Variants in DIP2A observed in about 807,000 individuals in gnomAD.
The protein encoded by DIP2A is DIP2 acetate--CoA ligase A.
In DIP2A, 85 loss-of-function variants were observed where a neutral mutation model predicts 177.4. The observed-to-expected ratio is 0.48, with a 90% CI of 0.40 to 0.57. The LOEUF (loss-of-function observed/expected upper bound fraction) is 0.57. Ranked by LOEUF, DIP2A falls within the 20% of genes least tolerant of loss-of-function variation. DIP2A has a pLI of 0.00. For missense variants in DIP2A, 1,791 were observed against 2,100.2 expected (o/e 0.85, Z 2.88); for synonymous variants, 886 against 881.8 (o/e 1.00, Z -0.08).
Position 46,496,887 on chromosome 21 carries a change from C to G in DIP2A, c.284-101C>G. ...AGGATAGACAGAGAGAGCTTCTATT[C>G]CTTTTACCCCCACTGAAAACAAACA... On this transcript the variant is annotated intron_variant, in intron 3 of 37. Coordinates refer to ENST00000417564, the MANE Select transcript of DIP2A (RefSeq NM_015151.4). 4 of 1,238,832 alleles carry G rather than the reference C, an allele frequency of 3.2e-6. No individual in the cohort carries two copies. The East Asian group carries it at 1.1e-4, about 34-fold the overall frequency. 76.7% of individuals were successfully genotyped at this position (1,238,832 alleles called of 1,614,324 possible). A position where few individuals can be genotyped will look rare whatever the true frequency, so the allele number is the denominator to read the frequency against.
chr21:46,532,106 C>A (rs2059379323), intron 9 of DIP2A, 21 bp from the exon 10 acceptor site: 1 of 1,594,740 alleles, frequency 6.3e-7, no homozygotes, highest in African/African-American at 1.3e-5. Flanking sequence ...TTGGAATATT[C>A]ATTTCTTTGT....
chr21:46,514,951 T>C (rs2058504540), intron 8 of DIP2A, among the ~76,000 whole-genome samples: 1 of 152,250 alleles, frequency 6.6e-6, no homozygotes, highest in Non-Finnish European at 1.5e-5. Context: ...TTTGATTAAT[T>C]TTCTAATGTA....
chr21:46,462,746 T>A (rs1230683788), intron 1 of DIP2A: 1 of 151,088 alleles, frequency 6.6e-6, no homozygotes, highest in Non-Finnish European at 1.5e-5. Context: ...ACAAAGATGC[T>A]GTCTTCAACA....
chr21:46,533,564 G>A lies in DIP2A; in HGVS notation c.1346G>A (p.Cys449Tyr), dbSNP rs1445932723. The A allele has an allele frequency of 6.2e-7, 1 of 1,614,034 alleles. No individual in the cohort carries two copies. The highest frequency in any genetic ancestry group is 8.5e-7 in the Non-Finnish European group (1 of 1,179,904). Residue 449 changes from cysteine to tyrosine, a missense_variant, in exon 11 of 38, where the codon TGT becomes TAT. By Grantham distance (194) the Cys-to-Tyr change is radical. Coordinates refer to ENST00000417564, the MANE Select transcript of DIP2A (RefSeq NM_015151.4). Reference protein sequence around the residue: ...SQQVGFLLGSCGVFLALTTDA... With the variant: ...SQQVGFLLGSYGVFLALTTDA... ...CAGGTTGGGTTTCTGCTGGGCAGCT[G>A]TGGAGTCTTCTTGGCCCTGACCACA...
chr21:46,548,391 T>G (rs11089077), intron 21 of DIP2A, among the ~76,000 whole-genome samples: 36,763 of 152,046 alleles, frequency 0.24, 4,825 homozygotes, highest in East Asian at 0.37. Context: ...TGATGGTGAC[T>G]GCGTCTGCAG....
intron 3 of DIP2A, 65 bp downstream of exon 3, chr21:46,490,784 A>G: frequency 6.8e-7 from 1 of 1,473,666 alleles, no homozygotes; most frequent in Non-Finnish European, 9.0e-7. Flanking sequence ...TCTTGCCATG[A>G]AGTCTTCCAG....
At chr21:46,555,789 G>A (rs2060446501) in intron 28 of DIP2A, 193 bp from the exon 29 acceptor site, 1 of 590,874 alleles carries the variant, frequency 1.7e-6, no homozygotes, top group Non-Finnish European at 3.0e-6. Flanking sequence ...GGACCGGGTA[G>A]CGTTTCCATG....
At position 46,513,025 on chromosome 21, in the gene DIP2A, C is replaced by T. The variant is rs530470924; in HGVS notation, c.1102+1411C>T. On this transcript the variant is annotated intron_variant, in intron 8 of 37. Transcript: ENST00000417564. ...GATGCATGTTTTGCAAATGTCTCCT[C>T]ACTATTTGGATTGCCTTTTAACACT... Among the ~76,000 whole-genome samples, 4 of 152,090 alleles carry T rather than the reference C, an allele frequency of 2.6e-5. No individual in the cohort carries two copies. In the South Asian group the frequency reaches 8.3e-4, roughly 32 times the overall value.
At chr21:46,469,849 G>A (rs998945599) in intron 1 of DIP2A, among the ~76,000 whole-genome samples, 4 of 151,678 alleles carry the variant, frequency 2.6e-5, no homozygotes, top group African/African-American at 4.9e-5. Flanking sequence ...TCCCTTTCAC[G>A]TAGTGTGTCC....
At chr21:46,545,811 C>G in intron 19 of DIP2A, 70 bp from the exon 20 acceptor site, 1 of 1,573,078 alleles carries the variant, frequency 6.4e-7, no homozygotes, top group Non-Finnish European at 8.7e-7. Context: ...CCTCCTGCCG[C>G]CTGCTGGGTC....
intron 5 of DIP2A, among the ~76,000 whole-genome samples, chr21:46,499,846 A>G (rs951145409): frequency 6.6e-6 from 1 of 152,182 alleles, no homozygotes; most frequent in Non-Finnish European, 1.5e-5. Context: ...AGCGATTGTA[A>G]CTTGCTTGAG....
chr21:46,474,199 G>A (rs533773381), intron 1 of DIP2A, among the ~76,000 whole-genome samples: 1 of 152,324 alleles, frequency 6.6e-6, no homozygotes, highest in African/African-American at 2.4e-5. Flanking sequence ...CTGTCTGGGA[G>A]ATGATGGTGC....
rs115780641 is a variant in DIP2A at position 46,554,074 on chromosome 21, G to A, written c.3031-95G>A. The stretch of plus-strand genomic sequence containing the variant: ...TCATGGACGCTAATCACAAGGTGTC[G>A]TGTGCAGTGGCGTGCAGGTGGTGTG... On this transcript the variant is annotated intron_variant, in intron 25 of 37. Transcript: ENST00000417564. The A allele has an allele frequency of 8.0e-4, 1,163 of 1,457,094 alleles. 7 individuals carry two copies. The African/African-American group carries it at 0.012, about 15-fold the overall frequency. 90.3% of individuals were successfully genotyped at this position (1,457,094 alleles called of 1,614,324 possible).
At position 46,558,238 on chromosome 21, in the gene DIP2A, C is replaced by T. The variant is rs771387163; in HGVS notation, c.3814C>T (p.Leu1272=). The T allele has an allele frequency of 3.1e-6, 5 of 1,612,334 alleles. No individual in the cohort carries two copies. The highest frequency in any genetic ancestry group is 4.2e-6 in the Non-Finnish European group (5 of 1,179,616). ...TGVLRMKGVN[L]SCVRTCMVVA... ...CCTCCCGCAGATGAAGGGGGTGAAC[C>T]TGTCATGTGTGCGCACGTGCATGGT... is the stretch of plus-strand genomic sequence containing the variant. Residue 1272 remains leucine, a synonymous_variant, in exon 32 of 38, where the codon CTG becomes TTG. Transcript: ENST00000417564.
At chr21:46,497,684 G>A (rs1346420722) in intron 4 of DIP2A, among the ~76,000 whole-genome samples, 3 of 152,162 alleles carry the variant, frequency 2.0e-5, no homozygotes, top group Non-Finnish European at 4.4e-5. Context: ...TCACATTCAT[G>A]AACTTGCATT....
Position 46,549,896 on chromosome 21 carries a change from C to T in DIP2A, c.2637+11C>T, listed in dbSNP as rs200629608. The T allele has an allele frequency of 7.3e-5, 117 of 1,608,906 alleles. No homozygotes were observed. Among genetic ancestry groups the T allele is most frequent in the East Asian group, 5.3e-4 (24 of 44,880 alleles). On this transcript the variant is annotated intron_variant, in intron 22 of 37. Transcript: ENST00000417564. ...AGCCGTGTGCTGCAGGTGGGCGCCC[C>T]GGCACGGCCTATGGTTCGGTGAATC...
intron 6 of DIP2A, among the ~76,000 whole-genome samples, chr21:46,505,828 G>A (rs1028934746): frequency 2.0e-5 from 3 of 152,138 alleles, no homozygotes; most frequent in Non-Finnish European, 2.9e-5. Flanking sequence ...ATCATACAGC[G>A]TTTACGTTTA....
chr21:46,582,808 T>C, the DIP2A span, among the ~76,000 whole-genome samples: 2 of 152,072 alleles, frequency 1.3e-5, no homozygotes, highest in Non-Finnish European at 2.9e-5. Context: ...TGCCAAATGG[T>C]AACTTGGATC....
chr21:46,481,892 A>C (rs1399111027), intron 1 of DIP2A, among the ~76,000 whole-genome samples: 1 of 152,100 alleles, frequency 6.6e-6, no homozygotes, highest in African/African-American at 2.4e-5. Context: ...CTCTACTAAA[A>C]ATACAAAAAT....
Sources: gnomAD v4.1 joint callset for allele counts (sites outside exome capture counted in the v4.1 genomes callset) on GRCh38, gnomAD v4.1.1 for gene constraint, MANE v1.5 for transcripts, NCBI Gene and HGNC (gene_info 2026-07-23, HGNC 2026-07-21) for gene names.